GLI3: variants seen among roughly 807,000 people sequenced by gnomAD.
GLI3 encodes GLI family zinc finger 3, also known as transcription activator GLI3.
In GLI3, 20 loss-of-function variants were observed where a neutral mutation model predicts 100.8. That is an observed-to-expected ratio of 0.20 (90% CI 0.14 to 0.29). The LOEUF (loss-of-function observed/expected upper bound fraction) is 0.29. GLI3 is among the 10% of genes least tolerant of loss of function. GLI3 has a pLI of 1.00. For synonymous variants in GLI3, 938 were observed against 860.5 expected, an observed-to-expected ratio of 1.09 and a Z score of -1.58; for missense variants, 2,040 against 2,128.5, an observed-to-expected ratio of 0.96 and a Z score of 0.82.
chr7:42,199,840 A>G (rs921060552), intron 2 of GLI3, among the ~76,000 whole-genome samples: 4 of 152,060 alleles, frequency 2.6e-5, no homozygotes, highest in African/African-American at 9.7e-5. Flanking sequence ...CGGATCACAT[A>G]AGGTCAGGAG....
At chr7:42,099,144 T>A (rs1785404443) in intron 3 of GLI3, among the ~76,000 whole-genome samples, 1 of 152,158 alleles carries the variant, frequency 6.6e-6, no homozygotes. Context: ...ACTATCCACA[T>A]AGGGATCCCT....
chr7:42,106,655 T>C (rs544842120), intron 3 of GLI3, among the ~76,000 whole-genome samples: 20 of 152,200 alleles, frequency 1.3e-4, no homozygotes, highest in Non-Finnish European at 2.4e-4. Flanking sequence ...ACAAGAAGGA[T>C]TGAAGTGATG....
intron 4 of GLI3, among the ~76,000 whole-genome samples, chr7:42,056,057 A>G (rs910594589): frequency 3.9e-5 from 6 of 152,140 alleles, no homozygotes; most frequent in Non-Finnish European, 8.8e-5. Flanking sequence ...CTTGTCTGCC[A>G]CCATGTGAGA....
At chr7:42,172,660 C>T (rs2128677361) in intron 2 of GLI3, 1 of 702,646 alleles carries the variant, frequency 1.4e-6, no homozygotes, top group East Asian at 2.7e-5. Context: ...CTGGTCCAGC[C>T]TCTGGCCTGG....
At chr7:41,996,778 C>T (rs1284380517) in intron 10 of GLI3, among the ~76,000 whole-genome samples, 1 of 152,110 alleles carries the variant, frequency 6.6e-6, no homozygotes, top group Non-Finnish European at 1.5e-5. Context: ...CTTCAATATT[C>T]TACTTAAGGT....
chr7:42,261,722 G>T (rs573045829), intron 1 of GLI3, among the ~76,000 whole-genome samples: 2 of 152,238 alleles, frequency 1.3e-5, no homozygotes, highest in African/African-American at 4.8e-5. Flanking sequence ...GGATGAGGCA[G>T]TGCCTGATTA....
intron 4 of GLI3, among the ~76,000 whole-genome samples, chr7:42,071,295 C>A (rs1784779835): frequency 6.6e-6 from 1 of 151,936 alleles, no homozygotes; most frequent in Non-Finnish European, 1.5e-5. Flanking sequence ...TTACACTTTA[C>A]CAGTCTTAAT....
intron 4 of GLI3, among the ~76,000 whole-genome samples, chr7:42,066,476 A>G (rs1784677126): frequency 6.6e-6 from 1 of 152,020 alleles, no homozygotes; most frequent in Non-Finnish European, 1.5e-5. Context: ...TGGGGAGGTT[A>G]ACACAAATTA....
chr7:42,242,829 T>C (rs1236737105), upstream of GLI3, among the ~76,000 whole-genome samples: 1 of 152,252 alleles, frequency 6.6e-6, no homozygotes. Context: ...GGAATTCTTA[T>C]GAGGAATTTT....
At chr7:42,262,780 T>C (rs1384974761) in intron 1 of GLI3, among the ~76,000 whole-genome samples, 1 of 152,232 alleles carries the variant, frequency 6.6e-6, no homozygotes, top group Non-Finnish European at 1.5e-5. Flanking sequence ...ATTTTGAAGA[T>C]ACTTTCCTAA....
chr7:42,077,888 A>C lies in GLI3; in HGVS notation c.368-1031T>G, dbSNP rs577393457. ...GTTTGACTCCATGTCTATGAGACTA[A>C]ATACGACAGCAAAATGTGCCAGGAC... On this transcript the variant is annotated intron_variant, in intron 3 of 14. Coordinates refer to ENST00000395925, the MANE Select transcript of GLI3 (RefSeq NM_000168.6). Among the ~76,000 whole-genome samples, 171 of 152,308 alleles carry C rather than the reference A, an allele frequency of 1.1e-3. 1 individual carries two copies. Among genetic ancestry groups the C allele is most frequent in the African/African-American group, 3.8e-3 (158 of 41,552 alleles).
intron 10 of GLI3, among the ~76,000 whole-genome samples, chr7:42,018,611 AT>A (rs1788839179): frequency 6.6e-6 from 1 of 152,220 alleles, no homozygotes; most frequent in Non-Finnish European, 1.5e-5. Context: ...AAATCTCTAT[AT>A]TAAAAAGAAA....
intron 10 of GLI3, among the ~76,000 whole-genome samples, chr7:42,015,313 G>C (rs972264420): frequency 6.6e-6 from 1 of 152,114 alleles, no homozygotes; most frequent in African/African-American, 2.4e-5. Flanking sequence ...GTCGGGTGGA[G>C]TTGGTTTAAG....
intron 4 of GLI3, among the ~76,000 whole-genome samples, chr7:42,055,054 C>CATATATATGTATATAT (rs1784425969): frequency 7.6e-6 from 1 of 131,972 alleles, no homozygotes; most frequent in East Asian, 2.1e-4. Flanking sequence ...TATATATACA[C>CATATATATGTATATAT]ACACATATAT....
At chr7:42,260,200 A>T (rs1236019461) in intron 1 of GLI3, among the ~76,000 whole-genome samples, 2 of 152,244 alleles carry the variant, frequency 1.3e-5, no homozygotes, top group Non-Finnish European at 2.9e-5. Context: ...GAGAAATGAC[A>T]TATATAATGA....
intron 2 of GLI3, among the ~76,000 whole-genome samples, chr7:42,166,650 CTTTTTTTTTTTTTTTT>C (rs1203814510): frequency 6.2e-5 from 5 of 80,244 alleles, no homozygotes; most frequent in African/African-American, 3.3e-4. Flanking sequence ...GTTCTGATTC[CTTTTTTTTTTTTTTTT>C]TTTTTTTTTT....
At chr7:42,031,781 T>A (rs1470416257) in intron 7 of GLI3, among the ~76,000 whole-genome samples, 5 of 152,194 alleles carry the variant, frequency 3.3e-5, no homozygotes, top group Admixed American at 6.5e-5. Flanking sequence ...TAAATAAGGA[T>A]AATTTCTCAG....
At chr7:42,162,809 C>T (rs1160934665) in intron 2 of GLI3, among the ~76,000 whole-genome samples, 1 of 152,108 alleles carries the variant, frequency 6.6e-6, no homozygotes, top group Non-Finnish European at 1.5e-5. Flanking sequence ...TCAACCCCTG[C>T]TTTGTCACAA....
chr7:41,982,068 C>T (rs1008649812), intron 10 of GLI3, among the ~76,000 whole-genome samples: 9 of 152,100 alleles, frequency 5.9e-5, no homozygotes, highest in Admixed American at 6.6e-5. Context: ...TGGGAATGTT[C>T]CCTTTCCAAT....
Sources: gnomAD v4.1 joint callset for allele counts (sites outside exome capture counted in the v4.1 genomes callset) on GRCh38, gnomAD v4.1.1 for gene constraint, MANE v1.5 for transcripts, NCBI Gene and HGNC (gene_info 2026-07-23, HGNC 2026-07-21) for gene names.